GFPT2: variants seen among roughly 807,000 people sequenced by gnomAD.
The protein encoded by GFPT2 is glutamine--fructose-6-phosphate aminotransferase [isomerizing] 2.
Under a neutral mutation model 85.6 loss-of-function variants are expected in GFPT2, and 62 were observed. The observed-to-expected ratio is 0.72, with a 90% CI of 0.59 to 0.90. The LOEUF is 0.90. Among genes scored for constraint, GFPT2 ranks in the 40% least tolerant of loss-of-function variants. The probability of loss-of-function intolerance (pLI) is 0.00; values close to 1 mark genes in which losing one functional copy is unlikely to be tolerated. For synonymous variants in GFPT2, 368 were observed against 344.5 expected (o/e 1.07, Z -0.75); for missense variants, 788 against 893.4 (o/e 0.88, Z 1.50).
At chr5:180,307,861 G>A (rs534826654) in intron 15 of GFPT2, among the ~76,000 whole-genome samples, 64 of 152,172 alleles carry the variant, frequency 4.2e-4, no homozygotes, top group African/African-American at 1.3e-3. Flanking sequence ...GCCTGTAATC[G>A]CCGCACTTTG....
chr5:180,309,077 T>A (rs530219850), intron 15 of GFPT2, among the ~76,000 whole-genome samples: 1 of 152,246 alleles, frequency 6.6e-6, no homozygotes, highest in South Asian at 2.1e-4. Context: ...TTTCACCATC[T>A]TGGATAGGCT....
chr5:180,311,087 G>A (rs73811354), intron 15 of GFPT2, among the ~76,000 whole-genome samples: 17,168 of 152,170 alleles, frequency 0.11, 1,210 homozygotes, highest in African/African-American at 0.19. Context: ...GCCTGGAATT[G>A]ACCATTCTCT....
At chr5:180,342,611 A>G (rs1764539376) in intron 1 of GFPT2, among the ~76,000 whole-genome samples, 1 of 152,002 alleles carries the variant, frequency 6.6e-6, no homozygotes, top group African/African-American at 2.4e-5. Flanking sequence ...CTCTTCTAAA[A>G]ACAACCAGAG....
intron 2 of GFPT2, among the ~76,000 whole-genome samples, chr5:180,337,383 G>A (rs995657225): frequency 6.6e-6 from 1 of 151,612 alleles, no homozygotes; most frequent in African/African-American, 2.4e-5. Context: ...AACCCAGGAG[G>A]CGGAGCTTGC....
At chr5:180,316,204 A>G (rs1764005032) in intron 13 of GFPT2, 137 bp downstream of exon 13, 2 of 821,858 alleles carry the variant, frequency 2.4e-6, no homozygotes, top group Non-Finnish European at 3.8e-6. Context: ...CCATGGCTCT[A>G]CGGGTTAAAT....
chr5:180,328,173 G>T lies in GFPT2; in HGVS notation c.596+104C>A. The T allele has an allele frequency of 1.2e-6, 1 of 849,004 alleles. No homozygotes were observed. The allele number at this position is 849,004 out of a possible 1,614,324, so 52.6% of individuals were successfully genotyped here. A position where few individuals can be genotyped will look rare whatever the true frequency, so the allele number is the denominator to read the frequency against. The stretch of plus-strand genomic sequence containing the variant: ...CACAGTTGTTCTTTAGACACCACGA[G>T]CACCTTTCAGCGTGCCACAGGCCCT... On this transcript the variant is annotated intron_variant, in intron 7 of 18. Transcript: ENST00000253778. The surrounding 1 kb of genome is among the most constrained non-coding windows in gnomAD (Gnocchi z 5.4).
chr5:180,301,604 T>A lies in GFPT2; in HGVS notation c.2009A>T (p.Asp670Val), dbSNP rs1763673299. The A allele has an allele frequency of 6.2e-7, 1 of 1,613,184 alleles. No homozygotes were observed. Among genetic ancestry groups the A allele is most frequent in the Admixed American group, 1.7e-5 (1 of 59,992 alleles). The stretch of plus-strand genomic sequence containing the variant: ...AGACTTGGCCAGATTTCTGGGGAAG[T>A]CAACCTAAAATGAAAGAAAGTGACT... ...HLAVLRGYDVDFPRNLAKSVT... is the reference protein window; with the variant it reads ...HLAVLRGYDVVFPRNLAKSVT... Residue 670 changes from aspartate (D) to valine (V), a missense_variant, in exon 19 of 19, where the codon GAC becomes GTC. Physicochemically the swap from Asp to Val is radical, Grantham distance 152 (BLOSUM62 -3). Transcript: ENST00000253778.
chr5:180,303,121 T>A (rs1417770276), intron 17 of GFPT2, among the ~76,000 whole-genome samples: 4 of 143,890 alleles, frequency 2.8e-5, no homozygotes, highest in African/African-American at 1.0e-4. Flanking sequence ...TCCCAGCTAC[T>A]GGGGAGGCTG....
chr5:180,301,080 C>T lies in GFPT2; in HGVS notation c.*484G>A. The T allele has an allele frequency of 6.2e-6, 1 of 161,126 alleles. No homozygotes were observed. Among genetic ancestry groups the T allele is most frequent in the South Asian group, 1.9e-4 (1 of 5,324 alleles). The allele number at this position is 161,126 out of a possible 1,614,324, so 10.0% of individuals were successfully genotyped here. A position where few individuals can be genotyped will look rare whatever the true frequency, so the allele number is the denominator to read the frequency against. ...GAGTCCAGAGGGCCAATGCCTTGTG[C>T]TCACATCTGAGATGAATGCCACCTG... On this transcript the variant is annotated 3_prime_UTR_variant, in exon 19 of 19. Transcript: ENST00000253778.
At chr5:180,352,985 T>A in intron 1 of GFPT2, 1 of 384,636 alleles carries the variant, frequency 2.6e-6, no homozygotes, top group Non-Finnish European at 4.5e-6. Flanking sequence ...AGACCAGGAG[T>A]CGGGTTGGGC....
chr5:180,333,555 T>A (rs1052180693), intron 4 of GFPT2, among the ~76,000 whole-genome samples: 1 of 152,224 alleles, frequency 6.6e-6, no homozygotes, highest in East Asian at 1.9e-4. Context: ...TTCTTTACAT[T>A]ATTCTCTTAA....
chr5:180,324,382 C>A, intron 8 of GFPT2, 77 bp from the exon 9 acceptor site: 1 of 866,486 alleles, frequency 1.2e-6, no homozygotes, highest in Middle Eastern at 2.4e-4. Flanking sequence ...AACCAATTTC[C>A]CCTCTGAATA....
chr5:180,349,993 C>G (rs1764681496), intron 1 of GFPT2, among the ~76,000 whole-genome samples: 1 of 152,044 alleles, frequency 6.6e-6, no homozygotes, highest in Non-Finnish European at 1.5e-5. Flanking sequence ...CCATGCATGC[C>G]TGGTCCATGC....
rs1251203702 is a variant in GFPT2, at chr5:180,328,803, C to T, written c.535-465G>A. ...TCTCCCTTTAGCCTTCTTGGCGCCT[C>T]GTTCTCCTCATCGGTGAAGGAAGTG... On this transcript the variant is annotated intron_variant, in intron 6 of 18. Transcript: ENST00000253778. This position sits in a 1 kb window ranked among gnomAD's most constrained non-coding sequence, Gnocchi z 5.4. Among the ~76,000 whole-genome samples the T allele has an allele frequency of 1.3e-5, 2 of 152,222 alleles. No homozygotes were observed. The highest frequency in any genetic ancestry group is 4.8e-5 in the African/African-American group (2 of 41,464).
chr5:180,344,360 C>T (rs955858949), intron 1 of GFPT2, among the ~76,000 whole-genome samples: 1 of 152,148 alleles, frequency 6.6e-6, no homozygotes, highest in African/African-American at 2.4e-5. Flanking sequence ...TAAGACATTT[C>T]ACCGTGTGCC....
At chr5:180,333,130 G>A (rs904697588) in intron 4 of GFPT2, among the ~76,000 whole-genome samples, 3 of 151,922 alleles carry the variant, frequency 2.0e-5, no homozygotes, top group South Asian at 2.1e-4. Context: ...TGCTCTGATC[G>A]CTTCTTGTGC....
At chr5:180,336,977 G>A (rs1420392269) in intron 2 of GFPT2, among the ~76,000 whole-genome samples, 1 of 152,244 alleles carries the variant, frequency 6.6e-6, no homozygotes, top group Non-Finnish European at 1.5e-5. Flanking sequence ...GTCGTCTATC[G>A]GACGTGCTTC....
At chr5:180,309,960 A>G (rs2386858) in intron 15 of GFPT2, among the ~76,000 whole-genome samples, 47,131 of 150,670 alleles carry the variant, frequency 0.31, 7,573 homozygotes, top group East Asian at 0.45. Flanking sequence ...ACAGGTGCCC[A>G]CCACCACGCC....
In GFPT2 at chr5:180,316,453, T is replaced by C. The variant is rs1230337034; in HGVS notation, c.1161A>G (p.Gln387=). 1.9e-6 allele frequency: 3 copies of C among 1,614,054 alleles called. No homozygotes were observed. Among genetic ancestry groups the C allele is most frequent in the Non-Finnish European group, 2.5e-6 (3 of 1,179,978 alleles). ...GAAGCTCAGTCAGTTCCTCCAAAACTTGCCGCGTCTGAAGCCAACAAGCAA... is the reference window on the plus strand; with the variant it reads ...GAAGCTCAGTCAGTTCCTCCAAAACCTGCCGCGTCTGAAGCCAACAAGCAA... ...TSYHAAVATR[Q]VLEELTELPV... The change falls in exon 13 of 19, where the codon CAA becomes CAG. Residue 387 remains glutamine, a synonymous_variant. Coordinates refer to ENST00000253778, the MANE Select transcript of GFPT2 (RefSeq NM_005110.4).
Sources: gnomAD v4.1 joint callset for allele counts (sites outside exome capture counted in the v4.1 genomes callset) on GRCh38, gnomAD v4.1.1 for gene constraint, Gnocchi (gnomAD v3.1) non-coding constraint, MANE v1.5 for transcripts, NCBI Gene and HGNC (gene_info 2026-07-23, HGNC 2026-07-21) for gene names.